The following HAPLN1 variants were observed in gnomAD, a reference collection of about 807,000 sequenced individuals.
The protein encoded by HAPLN1 is Cartilage link protein.
In HAPLN1, 13 loss-of-function variants were observed where a neutral mutation model predicts 36.5. The ratio of observed to expected loss-of-function variants is 0.36; its 90% CI spans 0.23 to 0.57. HAPLN1 has a LOEUF of 0.57. Among genes scored for constraint, HAPLN1 ranks in the 20% least tolerant of loss-of-function variants. The probability of loss-of-function intolerance (pLI) is 0.83; values close to 1 mark genes in which losing one functional copy is unlikely to be tolerated. For synonymous variants in HAPLN1, 202 were observed against 169.8 expected, an observed-to-expected ratio of 1.19 and a Z score of -1.48; for missense variants, 407 against 439.7, an observed-to-expected ratio of 0.93 and a Z score of 0.66.
At chr5:83,705,771 T>C (rs959628687) in intron 1 of HAPLN1, among the ~76,000 whole-genome samples, 2 of 152,004 alleles carry the variant, frequency 1.3e-5, no homozygotes, top group Non-Finnish European at 2.9e-5. Context: ...ACTCAAAAGA[T>C]AAACAAATCC....
At position 83,646,673 on chromosome 5, in the gene HAPLN1, C is replaced by A. The variant is rs1749886949; in HGVS notation, c.473-2008G>T. Among the ~76,000 whole-genome samples, 3 of 152,314 alleles carry A rather than the reference C, an allele frequency of 2.0e-5. No homozygotes were observed. The South Asian group carries it at 6.2e-4, about 32-fold the overall frequency. On this transcript the variant is annotated intron_variant, in intron 3 of 4. Coordinates refer to ENST00000274341, the MANE Select transcript of HAPLN1 (RefSeq NM_001884.4). ...AGCCAAAAGGAAGGAGTAAAAGCCTCTCTTGGTTGCCACTAACTCCTGTGG... is the reference window on the plus strand; with the variant it reads ...AGCCAAAAGGAAGGAGTAAAAGCCTATCTTGGTTGCCACTAACTCCTGTGG...
intron 2 of HAPLN1, 106 bp from the exon 3 acceptor site, chr5:83,652,930 C>CT: frequency 9.0e-7 from 1 of 1,115,806 alleles, no homozygotes; most frequent in East Asian, 2.6e-5. Flanking sequence ...CAAAGGATAG[C>CT]TTTGAGTGGT....
At chr5:83,650,534 C>T (rs1335380455) in intron 3 of HAPLN1, among the ~76,000 whole-genome samples, 1 of 151,952 alleles carries the variant, frequency 6.6e-6, no homozygotes, top group African/African-American at 2.4e-5. Flanking sequence ...ATTTACTTAG[C>T]TCATATGCAT....
chr5:83,685,738 G>A (rs1045311645), intron 1 of HAPLN1: 4 of 152,144 alleles, frequency 2.6e-5, no homozygotes, highest in Non-Finnish European at 5.9e-5. Flanking sequence ...GTATATGAGA[G>A]TGAACTAGAG....
chr5:83,701,236 A>G (rs1751500296), intron 1 of HAPLN1, among the ~76,000 whole-genome samples: 1 of 152,278 alleles, frequency 6.6e-6, no homozygotes, highest in Non-Finnish European at 1.5e-5. Flanking sequence ...GCATTTAGAA[A>G]TAGACGTCCC....
intron 1 of HAPLN1, among the ~76,000 whole-genome samples, chr5:83,717,003 G>T (rs1751928652): frequency 6.6e-6 from 1 of 152,028 alleles, no homozygotes; most frequent in Non-Finnish European, 1.5e-5. Flanking sequence ...TTGTACTCCA[G>T]CCTGGGTGAC....
At chr5:83,714,078 A>C (rs775366761) in intron 1 of HAPLN1, among the ~76,000 whole-genome samples, 22 of 152,262 alleles carry the variant, frequency 1.4e-4, no homozygotes, top group South Asian at 4.1e-4. Flanking sequence ...GGCACTTGGG[A>C]TAGAAAGTCA....
Position 83,652,807 on chromosome 5 carries a change from G to A in HAPLN1, c.118C>T (p.Leu40=). The change falls in exon 3 of 5, where the codon CTA becomes TTA. Residue 40 remains leucine (L), a synonymous_variant. Transcript: ENST00000274341. The part of the protein sequence containing the change: ...IHIQAENGPH[L]LVEAEQAKVF... ...TTGGCTTGCTCTGCTTCCACAAGTA[G>A]ATGGGGGCCATTTTCTGCTATAATT... The A allele has an allele frequency of 6.3e-7, 1 of 1,575,698 alleles. No homozygotes were observed. Among genetic ancestry groups the A allele is most frequent in the Non-Finnish European group, 8.6e-7 (1 of 1,158,146 alleles).
intron 3 of HAPLN1, among the ~76,000 whole-genome samples, chr5:83,647,163 C>A (rs550610125): frequency 6.6e-6 from 1 of 152,112 alleles, no homozygotes; most frequent in Non-Finnish European, 1.5e-5. Context: ...TACTTAAATA[C>A]GATTTAGTTC....
At chr5:83,664,689 A>G (rs998140018) in intron 2 of HAPLN1, among the ~76,000 whole-genome samples, 2 of 152,068 alleles carry the variant, frequency 1.3e-5, no homozygotes, top group African/African-American at 4.8e-5. Context: ...TCCAAAAAAA[A>G]CTTTTATATT....
chr5:83,648,522 C>A lies in HAPLN1; in HGVS notation c.473-3857G>T, dbSNP rs1047380663. Among the ~76,000 whole-genome samples, 7 of 146,914 alleles carry A rather than the reference C, an allele frequency of 4.8e-5. 1 individual carries two copies. On this transcript the variant is annotated intron_variant, in intron 3 of 4. Transcript: ENST00000274341. ...CAAGGCAGAATAAAAGCTTGTAATA[C>A]AAATAGGAGCTATATAATTTAGGCT...
At chr5:83,687,241 T>A (rs1392405786) in intron 1 of HAPLN1, among the ~76,000 whole-genome samples, 1 of 152,184 alleles carries the variant, frequency 6.6e-6, no homozygotes, top group Non-Finnish European at 1.5e-5. Context: ...CAGTATATAG[T>A]GAATGGCCTA....
At chr5:83,647,409 A>G (rs1373630038) in intron 3 of HAPLN1, among the ~76,000 whole-genome samples, 1 of 152,230 alleles carries the variant, frequency 6.6e-6, no homozygotes, top group Non-Finnish European at 1.5e-5. Context: ...TGCTTTACTC[A>G]AAGTTTTAAA....
chr5:83,647,384 C>T (rs1401689594), intron 3 of HAPLN1, among the ~76,000 whole-genome samples: 3 of 152,118 alleles, frequency 2.0e-5, no homozygotes, highest in African/African-American at 7.2e-5. Context: ...CCAAGTAAAT[C>T]AAGGTAAAGC....
intron 2 of HAPLN1, among the ~76,000 whole-genome samples, chr5:83,672,127 T>C (rs1468303619): frequency 6.6e-6 from 1 of 152,232 alleles, no homozygotes; most frequent in African/African-American, 2.4e-5. Flanking sequence ...CTTTGGTATC[T>C]GTCATCTAAT....
chr5:83,708,293 A>C (rs1751698557), intron 1 of HAPLN1, among the ~76,000 whole-genome samples: 1 of 152,228 alleles, frequency 6.6e-6, no homozygotes, highest in African/African-American at 2.4e-5. Flanking sequence ...TGACAATAGC[A>C]AAGACATGAA....
chr5:83,719,112 A>G (rs2112645539), intron 1 of HAPLN1, among the ~76,000 whole-genome samples: 1 of 152,376 alleles, frequency 6.6e-6, no homozygotes, highest in East Asian at 1.9e-4. Context: ...GATATAATGA[A>G]TTGATTCTTC....
intron 2 of HAPLN1, among the ~76,000 whole-genome samples, chr5:83,672,851 C>T (rs1750764490): frequency 1.3e-5 from 2 of 152,178 alleles, no homozygotes; most frequent in African/African-American, 2.4e-5. Context: ...GAAATAGCTG[C>T]ATTGTACTGC....
intron 1 of HAPLN1, among the ~76,000 whole-genome samples, chr5:83,713,101 C>T (rs1751832769): frequency 1.3e-5 from 2 of 152,160 alleles, no homozygotes; most frequent in South Asian, 2.1e-4. Context: ...TTACCATCTA[C>T]ACCACACATT....
Sources: gnomAD v4.1 joint callset for allele counts (sites outside exome capture counted in the v4.1 genomes callset) on GRCh38, gnomAD v4.1.1 for gene constraint, MANE v1.5 for transcripts, NCBI Gene and HGNC (gene_info 2026-07-23, HGNC 2026-07-21) for gene names.